FXR2: variants seen among roughly 807,000 people sequenced by gnomAD.
FXR2 encodes the protein RNA-binding protein FXR2.
A neutral mutation model predicts 87.3 loss-of-function variants in FXR2; 9 were observed. That is an observed-to-expected ratio of 0.10 (90% CI 0.06 to 0.18). The LOEUF is 0.18. Ranked by LOEUF, FXR2 falls within the 10% of genes least tolerant of loss-of-function variation. FXR2 has a pLI of 1.00. For synonymous variants in FXR2, 331 were observed against 328.3 expected, an observed-to-expected ratio of 1.01 and a Z score of -0.09; for missense variants, 661 against 893.6, an observed-to-expected ratio of 0.74 and a Z score of 3.32.
At chr17:7,602,260 A>G (rs923848333) in intron 6 of FXR2, among the ~76,000 whole-genome samples, 1 of 151,916 alleles carries the variant, frequency 6.6e-6, no homozygotes, top group African/African-American at 2.4e-5. Flanking sequence ...TGTTTCTACT[A>G]AAAATACAAA....
intron 2 of FXR2, 93 bp downstream of exon 2, chr17:7,606,004 C>A (rs1195424592): frequency 2.4e-6 from 2 of 837,554 alleles, no homozygotes; most frequent in Non-Finnish European, 3.9e-6. Flanking sequence ...GCTCTCCCAA[C>A]CTATTACATG....
chr17:7,604,187 T>C, intron 3 of FXR2, 107 bp from the exon 4 acceptor site: 1 of 832,966 alleles, frequency 1.2e-6, no homozygotes, highest in South Asian at 1.5e-5. Context: ...ATCTCAGCGC[T>C]TTGGGAGGCT....
rs368576781 is a variant in FXR2 at position 7,603,005 on chromosome 17, G to A, written c.450-3C>T. 5.9e-6 allele frequency: 9 copies of A among 1,527,008 alleles called. No homozygotes were observed. The highest frequency in any genetic ancestry group is 8.1e-6 in the Non-Finnish European group (9 of 1,105,686). The allele number at this position is 1,527,008 out of a possible 1,614,324, so 94.6% of individuals were successfully genotyped here. Reference sequence around the variant, plus strand: ...TATGGACGTTTTCATTGGAGCAGCTGCAGAGGAAAAAAGTACTCAGCGGGC... The same window carrying A: ...TATGGACGTTTTCATTGGAGCAGCTACAGAGGAAAAAAGTACTCAGCGGGC... On this transcript the variant is annotated splice_polypyrimidine_tract_variant and splice_region_variant and intron_variant, in intron 5 of 16. Coordinates refer to ENST00000250113, the MANE Select transcript of FXR2 (RefSeq NM_004860.4).
intron 1 of FXR2, chr17:7,614,112 G>GT (rs1482692506): frequency 1.8e-6 from 1 of 543,564 alleles, no homozygotes; most frequent in Non-Finnish European, 3.5e-6. Context: ...AAGGTCTAAG[G>GT]TATGTCTTCC....
chr17:7,605,195 C>T (rs4968190), intron 3 of FXR2, among the ~76,000 whole-genome samples: 20,542 of 151,986 alleles, frequency 0.14, 2,607 homozygotes, highest in African/African-American at 0.3. Context: ...ATGGTGAAAC[C>T]ATGTCTTTAC....
At chr17:7,608,772 C>A (rs1299199877) in intron 1 of FXR2, among the ~76,000 whole-genome samples, 2 of 152,174 alleles carry the variant, frequency 1.3e-5, no homozygotes, top group African/African-American at 4.8e-5. Flanking sequence ...TTGGGAGTGA[C>A]AGAAATGTTC....
intron 1 of FXR2, among the ~76,000 whole-genome samples, chr17:7,607,892 T>C (rs1750587840): frequency 6.6e-6 from 1 of 151,886 alleles, no homozygotes; most frequent in Non-Finnish European, 1.5e-5. Flanking sequence ...GCCTCCCAGG[T>C]TCAAGCAATT....
rs1470944221 is a variant in FXR2, at chr17:7,602,902, A to C, written c.543+7T>G. On this transcript the variant is annotated splice_region_variant and intron_variant, in intron 6 of 16. Transcript: ENST00000250113. The stretch of plus-strand genomic sequence containing the variant: ...GCTTATGTGAAATTCAGGCAGAATA[A>C]ACTCACCAGAATGAAGAGCTCACTG... 1 of 1,382,970 alleles carries C rather than the reference A, an allele frequency of 7.2e-7. No individual in the cohort carries two copies. Among genetic ancestry groups the C allele is most frequent in the Non-Finnish European group, 1.0e-6 (1 of 972,950 alleles). The allele number at this position is 1,382,970 out of a possible 1,614,324, so 85.7% of individuals were successfully genotyped here.
At chr17:7,599,212 T>C (rs2071732934) in intron 7 of FXR2, among the ~76,000 whole-genome samples, 1 of 150,724 alleles carries the variant, frequency 6.6e-6, no homozygotes, top group African/African-American at 2.4e-5. Context: ...GGTGAGAGGA[T>C]CACTTGAGCT....
chr17:7,602,740 A>G, intron 6 of FXR2, 169 bp downstream of exon 6: 1 of 535,558 alleles, frequency 1.9e-6, no homozygotes, highest in Non-Finnish European at 3.3e-6. Context: ...AAAAAAAAGA[A>G]AAAAAAAAGG....
At chr17:7,600,917 C>A (rs2071749988) in intron 7 of FXR2, among the ~76,000 whole-genome samples, 1 of 151,414 alleles carries the variant, frequency 6.6e-6, no homozygotes, top group Non-Finnish European at 1.5e-5. Flanking sequence ...TGGTGGCTCA[C>A]GCCTGTAATC....
In FXR2 at chr17:7,594,264, T is replaced by G. The variant is rs1262144747; in HGVS notation, c.994A>C (p.Asn332His). The change falls in exon 10 of 17, where the codon AAT becomes CAT. Residue 332 changes from asparagine (N) to histidine (H), a missense_variant. Transcript: ENST00000250113. The surrounding 1 kb of genome is among the most constrained non-coding windows in gnomAD (Gnocchi z 5.1). ...GVVRVRVEGD[N>H]DKKNPREEGM... The stretch of plus-strand genomic sequence containing the variant: ...TCCTCCCTGGGGTTCTTCTTGTCAT[T>G]ATCACCTTCCACTCGAACCCTCACC... 6.2e-7 allele frequency: 1 copy of G among 1,609,032 alleles called. No homozygotes were observed.
chr17:7,613,571 G>A (rs1490541935), intron 1 of FXR2, among the ~76,000 whole-genome samples: 2 of 152,186 alleles, frequency 1.3e-5, no homozygotes, highest in African/African-American at 4.8e-5. Context: ...TCAGATTCCC[G>A]AACTGGGATA....
intron 1 of FXR2, among the ~76,000 whole-genome samples, chr17:7,609,516 A>G (rs984245114): frequency 1.3e-5 from 2 of 152,010 alleles, no homozygotes; most frequent in Non-Finnish European, 2.9e-5. Flanking sequence ...TTTCTCTGAC[A>G]TTCTCTTCTC....
At chr17:7,604,653 T>G (rs2071788125) in intron 3 of FXR2, among the ~76,000 whole-genome samples, 1 of 145,116 alleles carries the variant, frequency 6.9e-6, no homozygotes, top group Non-Finnish European at 1.5e-5. Flanking sequence ...ACCGCGCCAC[T>G]GCACTCCAGC....
intron 5 of FXR2, among the ~76,000 whole-genome samples, chr17:7,603,334 C>A (rs971716375): frequency 1.3e-5 from 2 of 151,742 alleles, no homozygotes; most frequent in Non-Finnish European, 2.9e-5. Flanking sequence ...TTGAGACCAG[C>A]CTGACCAACA....
intron 5 of FXR2, 108 bp from the exon 6 acceptor site, chr17:7,603,110 G>T (rs1297114584): frequency 8.0e-6 from 5 of 623,410 alleles, no homozygotes; most frequent in Non-Finnish European, 1.4e-5. Flanking sequence ...ACTTTGGGAG[G>T]CTAGGGCAGG....
chr17:7,602,775 T>G, intron 6 of FXR2, 134 bp downstream of exon 6: 2 of 578,068 alleles, frequency 3.5e-6, no homozygotes, highest in Non-Finnish European at 6.2e-6. Context: ...CCTGTAGGAG[T>G]CAGGAGCAAT....
rs564012928 is a variant in FXR2 at position 7,614,046 on chromosome 17, A to G, written c.81+406T>C. The G allele has an allele frequency of 1.3e-5, 6 of 466,074 alleles. 1 individual carries two copies. Among genetic ancestry groups the G allele is most frequent in the African/African-American group, 1.2e-4 (6 of 50,648 alleles). The allele number at this position is 466,074 out of a possible 1,614,324, so 28.9% of individuals were successfully genotyped here. A position where few individuals can be genotyped will look rare whatever the true frequency, so the allele number is the denominator to read the frequency against. Reference sequence around the variant, plus strand: ...CGGGACAGAGGGCCTTCCCAAAGGGACCGTGTGGAAGAAAGACAATTCTCC... The same window carrying G: ...CGGGACAGAGGGCCTTCCCAAAGGGGCCGTGTGGAAGAAAGACAATTCTCC... On this transcript the variant is annotated intron_variant, in intron 1 of 16. Coordinates refer to ENST00000250113, the MANE Select transcript of FXR2 (RefSeq NM_004860.4).
Sources: allele counts gnomAD v4.1 joint callset (sites outside exome capture counted in the v4.1 genomes callset), GRCh38; gene constraint gnomAD v4.1.1; non-coding constraint Gnocchi (gnomAD v3.1); transcripts MANE v1.5; gene names NCBI Gene and HGNC (gene_info 2026-07-23, HGNC 2026-07-21).